ZBTB49: variants seen among roughly 807,000 people sequenced by gnomAD.
The protein encoded by ZBTB49 is zinc finger and BTB domain-containing protein 49.
ZBTB49 carries 43 observed loss-of-function variants against 57.5 expected under a neutral mutation model. That is an observed-to-expected ratio of 0.75 (90% CI 0.59 to 0.97). The LOEUF is 0.97. Ranked by LOEUF, ZBTB49 falls within the 50% of genes least tolerant of loss-of-function variation. The pLI is 0.00. For missense variants in ZBTB49, 938 were observed against 947.7 expected, an observed-to-expected ratio of 0.99 and a Z score of 0.13; for synonymous variants, 369 against 362.1, an observed-to-expected ratio of 1.02 and a Z score of -0.22.
chr4:4,306,087 T>C (rs891424223), intron 3 of ZBTB49, 51 bp from the exon 4 acceptor site: 42 of 1,556,936 alleles, frequency 2.7e-5, no homozygotes, highest in Non-Finnish European at 3.7e-5. Context: ...AAAAAATTAT[T>C]GAACAAATAC....
At chr4:4,299,783 G>T (rs1009950661) in intron 1 of ZBTB49, 144 bp from the exon 2 acceptor site, 19 of 463,926 alleles carry the variant, frequency 4.1e-5, no homozygotes, top group Middle Eastern at 1.3e-3. Context: ...AGAGGTGTGT[G>T]TGTGTGTGTG....
intron 4 of ZBTB49, among the ~76,000 whole-genome samples, chr4:4,309,207 T>C (rs969329492): frequency 3.9e-4 from 59 of 152,186 alleles, no homozygotes; most frequent in African/African-American, 1.4e-3. Context: ...CAGCCTGCAT[T>C]ATGAGGATGG....
intron 5 of ZBTB49, among the ~76,000 whole-genome samples, chr4:4,313,351 A>G (rs1721057650): frequency 6.6e-6 from 1 of 152,246 alleles, no homozygotes; most frequent in Admixed American, 6.5e-5. Context: ...CAAAAAGGAA[A>G]TGGGGTTTTA....
rs867634954 is a variant in ZBTB49, at chr4:4,293,127, A to G, written c.-20+2775A>G. ...CTGAGGCCCAGAGTCTCATCCATCC[A>G]GAAATATGTATTGAGTGCCTATTAT... On this transcript the variant is annotated intron_variant, in intron 1 of 7. Coordinates refer to ENST00000337872, the MANE Select transcript of ZBTB49 (RefSeq NM_145291.4). Among the ~76,000 whole-genome samples the G allele has an allele frequency of 2.2e-4, 34 of 152,338 alleles. No homozygotes were observed. The East Asian group carries it at 3.5e-3, about 16-fold the overall frequency.
At chr4:4,311,627 G>A (rs1720984014) in intron 4 of ZBTB49, among the ~76,000 whole-genome samples, 1 of 152,172 alleles carries the variant, frequency 6.6e-6, no homozygotes, top group Non-Finnish European at 1.5e-5. Flanking sequence ...AATGGTAATT[G>A]TACAGTTTAT....
chr4:4,303,156 CTCT>C (rs1316281942), intron 3 of ZBTB49, 65 bp downstream of exon 3: 63 of 1,448,180 alleles, frequency 4.4e-5, no homozygotes, highest in Middle Eastern at 1.9e-4. Context: ...ACACCACTGG[CTCT>C]TCTTGTTTTT....
At position 4,302,495 on chromosome 4, in the gene ZBTB49, A is replaced by G. The variant is rs1342177832; in HGVS notation, c.659A>G (p.Tyr220Cys). 2 of 1,614,074 alleles carry G rather than the reference A, an allele frequency of 1.2e-6. No homozygotes were observed. The highest frequency in any genetic ancestry group is 1.1e-5 in the South Asian group (1 of 91,082). The change falls in exon 3 of 8, where the codon TAC (tyrosine) becomes TGC (cysteine). Residue 220 changes from tyrosine to cysteine, a missense_variant. Physicochemically the swap from Tyr to Cys is radical, Grantham distance 194 (BLOSUM62 -2). Transcript: ENST00000337872. ...PNYYYKLRNF[Y>C]SKQYHKHAAG... is the part of the protein sequence containing the mutation. ...TACTATTACAAACTCAGAAACTTTTACAGTAAGCAGTACCATAAACACGCA... is the reference window on the plus strand; with the variant it reads ...TACTATTACAAACTCAGAAACTTTTGCAGTAAGCAGTACCATAAACACGCA...
Position 4,303,036 on chromosome 4 carries a change from C to T in ZBTB49, c.1200C>T (p.Cys400=), listed in dbSNP as rs74944032. Residue 400 remains cysteine (C), a synonymous_variant, in exon 3 of 8, where the codon TGC becomes TGT. Coordinates refer to ENST00000337872, the MANE Select transcript of ZBTB49 (RefSeq NM_145291.4). The part of the protein sequence containing the change: ...QSQRQYACEL[C]GKPFKHPSNL... ...AGAGACAATACGCGTGTGAATTATG[C>T]GGGAAACCTTTTAAACACCCAAGCA... The T allele has an allele frequency of 1.2e-3, 1,982 of 1,612,876 alleles. 31 individuals carry two copies. In the African/African-American group the frequency reaches 0.023, roughly 18 times the overall value.
chr4:4,309,899 AC>A (rs574511168), intron 4 of ZBTB49, among the ~76,000 whole-genome samples: 190 of 152,370 alleles, frequency 1.2e-3, no homozygotes, highest in African/African-American at 4.1e-3. Context: ...GTTAAACCTT[AC>A]ATTTTTTTCT....
Position 4,321,185 on chromosome 4 carries a change from G to C in ZBTB49, c.2167G>C (p.Gly723Arg). The stretch of plus-strand genomic sequence containing the variant: ...CTCTCTGGCTGCTTTGGACAACCAC[G>C]GCGGTGACCCCCTGGGCAGTCGAGC... ...RSSLAALDNHGGDPLGSRASS... is the reference protein window; with the variant it reads ...RSSLAALDNHRGDPLGSRASS... Residue 723 changes from glycine (G) to arginine (R), a missense_variant, in exon 8 of 8, where the codon GGC (glycine) becomes CGC (arginine). Coordinates refer to ENST00000337872, the MANE Select transcript of ZBTB49 (RefSeq NM_145291.4). The C allele has an allele frequency of 6.2e-7, 1 of 1,614,170 alleles. No individual in the cohort carries two copies. Among genetic ancestry groups the C allele is most frequent in the South Asian group, 1.1e-5 (1 of 91,082 alleles).
chr4:4,309,927 G>A (rs896148881), intron 4 of ZBTB49, among the ~76,000 whole-genome samples: 3 of 152,102 alleles, frequency 2.0e-5, no homozygotes, highest in African/African-American at 7.2e-5. Flanking sequence ...TTTTATCGCT[G>A]TGTGAAATCC....
intron 3 of ZBTB49, among the ~76,000 whole-genome samples, chr4:4,304,786 G>T (rs1369733971): frequency 2.0e-5 from 3 of 152,164 alleles, no homozygotes; most frequent in African/African-American, 7.2e-5. Flanking sequence ...CAGTTAGTCT[G>T]CCCAAAGCTA....
At chr4:4,318,642 CTT>C (rs1309708247) in intron 7 of ZBTB49, among the ~76,000 whole-genome samples, 2 of 152,160 alleles carry the variant, frequency 1.3e-5, no homozygotes. Context: ...AAGATAAAAA[CTT>C]TATGCTAGAG....
chr4:4,290,848 A>G (rs1719865420), intron 1 of ZBTB49, among the ~76,000 whole-genome samples: 1 of 152,252 alleles, frequency 6.6e-6, no homozygotes, highest in Admixed American at 6.5e-5. Flanking sequence ...AGCGAATGTC[A>G]TAGCGGCACC....
intron 4 of ZBTB49, among the ~76,000 whole-genome samples, chr4:4,312,275 A>G (rs1387720069): frequency 1.3e-5 from 2 of 152,258 alleles, no homozygotes; most frequent in Non-Finnish European, 2.9e-5. Flanking sequence ...TTCCAAACCT[A>G]ATTCGAAACA....
intron 7 of ZBTB49, among the ~76,000 whole-genome samples, chr4:4,320,234 A>T (rs2108905136): frequency 6.6e-6 from 1 of 152,324 alleles, no homozygotes; most frequent in African/African-American, 2.4e-5. Flanking sequence ...GTGAGAATCG[A>T]AGGACTGACA....
intron 7 of ZBTB49, among the ~76,000 whole-genome samples, chr4:4,319,134 C>T (rs778775041): frequency 1.1e-4 from 16 of 151,922 alleles, no homozygotes; most frequent in Non-Finnish European, 2.2e-4. Flanking sequence ...CTCAAGCAAT[C>T]CTCCCTCCTT....
In ZBTB49 at chr4:4,302,658, C is replaced by T; in HGVS notation, c.822C>T (p.Ser274=). The change falls in exon 3 of 8, where the codon TCC becomes TCT. Residue 274 remains serine (S), a synonymous_variant. Transcript: ENST00000337872. The part of the protein sequence containing the change: ...CILESPEHLP[S]NFLAQPVNDS... Reference sequence around the variant, plus strand: ...TGGAGTCTCCCGAGCACTTACCTTCCAACTTCCTGGCCCAGCCTGTGAATG... The same window carrying T: ...TGGAGTCTCCCGAGCACTTACCTTCTAACTTCCTGGCCCAGCCTGTGAATG... The T allele has an allele frequency of 6.2e-7, 1 of 1,610,400 alleles. No individual in the cohort carries two copies. The highest frequency in any genetic ancestry group is 8.5e-7 in the Non-Finnish European group (1 of 1,177,950).
chr4:4,294,941 A>G (rs1720123662), intron 1 of ZBTB49, among the ~76,000 whole-genome samples: 2 of 149,518 alleles, frequency 1.3e-5, no homozygotes, highest in Middle Eastern at 3.4e-3. Flanking sequence ...CCCGTGGGCG[A>G]TAGCATAGCA....
Sources: allele counts gnomAD v4.1 joint callset (sites outside exome capture counted in the v4.1 genomes callset), GRCh38; gene constraint gnomAD v4.1.1; transcripts MANE v1.5; gene names NCBI Gene and HGNC (gene_info 2026-07-23, HGNC 2026-07-21).